SETDB2: variants seen among roughly 807,000 people sequenced by gnomAD.
SETDB2 encodes the protein SET domain bifurcated histone lysine methyltransferase 2.
In SETDB2, 56 loss-of-function variants were observed where a neutral mutation model predicts 82.5. That is an observed-to-expected ratio of 0.68 (90% CI 0.55 to 0.85). The LOEUF (loss-of-function observed/expected upper bound fraction) is 0.85, where lower values mean the gene tolerates loss of function less well. Among genes scored for constraint, SETDB2 ranks in the 40% least tolerant of loss-of-function variants. The pLI is 0.00. For missense variants in SETDB2, 677 were observed against 816.4 expected (o/e 0.83, Z 2.08); for synonymous variants, 272 against 284.9 (o/e 0.95, Z 0.46).
rs1432701282 is a variant in SETDB2, at chr13:49,451,634, C to CA, written c.-257dup. On this transcript the variant is annotated 5_prime_UTR_variant, in exon 2 of 14. Transcript: ENST00000611815. ...TAATGTTAATGATCTGATACCACTA[C>CA]AAATATTTACGTGAGAAGATTCATG... 2 of 318,848 alleles carry CA rather than the reference C, an allele frequency of 6.3e-6. No individual in the cohort carries two copies. Among genetic ancestry groups the CA allele is most frequent in the Non-Finnish European group, 1.2e-5 (2 of 173,820 alleles). The allele number at this position is 318,848 out of a possible 1,614,324, so 19.8% of individuals were successfully genotyped here.
At chr13:49,480,875 C>T in intron 7 of SETDB2, 72 bp from the exon 8 acceptor site, 2 of 1,500,718 alleles carry the variant, frequency 1.3e-6, no homozygotes, top group Non-Finnish European at 1.8e-6. Flanking sequence ...CAGTAGTTAT[C>T]AGTGTCAGTG....
chr13:49,480,369 T>C (rs745473369), intron 7 of SETDB2, 34 bp downstream of exon 7: 14 of 1,347,488 alleles, frequency 1.0e-5, no homozygotes, highest in Non-Finnish European at 1.4e-5. Flanking sequence ...GCAGGGTGTG[T>C]ATATCTTTGA....
At chr13:49,476,453 T>C (rs1446681613) in intron 5 of SETDB2, 23 bp from the exon 6 acceptor site, 1 of 1,427,060 alleles carries the variant, frequency 7.0e-7, no homozygotes. Context: ...TTTGAGATAC[T>C]AATGAATAAT....
At chr13:49,461,484 G>A (rs748703044) in intron 4 of SETDB2, among the ~76,000 whole-genome samples, 1 of 152,166 alleles carries the variant, frequency 6.6e-6, no homozygotes, top group Non-Finnish European at 1.5e-5. Context: ...TTTCTGTGAA[G>A]AACAATACTT....
intron 5 of SETDB2, among the ~76,000 whole-genome samples, chr13:49,474,409 G>C (rs1403283507): frequency 6.6e-6 from 1 of 152,160 alleles, no homozygotes; most frequent in Non-Finnish European, 1.5e-5. Context: ...TGACACTATG[G>C]AGAACAATTT....
At chr13:49,449,365 C>G (rs916025515) in intron 1 of SETDB2, among the ~76,000 whole-genome samples, 14 of 152,108 alleles carry the variant, frequency 9.2e-5, no homozygotes, top group African/African-American at 3.1e-4. Context: ...ATTTTCCTCC[C>G]TCAGCCTCCC....
At position 49,482,783 on chromosome 13, in the gene SETDB2, T is replaced by A; in HGVS notation, c.1203T>A (p.Asp401Glu). ...RANTEKSYGIDENGRDENTMK... is the reference protein window; with the variant it reads ...RANTEKSYGIEENGRDENTMK... The stretch of plus-strand genomic sequence containing the variant: ...ACACTGAAAAATCTTATGGTATTGA[T>A]GAAAACGGGAGAGATGAGAATACTA... Residue 401 changes from aspartate to glutamate, a missense_variant, in exon 9 of 14, where the codon GAT becomes GAA. Around this residue, in one of 3 missense-constraint regions of SETDB2, gnomAD observed 420 missense variants for 554.6 expected, o/e 0.76. Transcript: ENST00000611815. 1 of 1,612,776 alleles carries A rather than the reference T, an allele frequency of 6.2e-7. No individual in the cohort carries two copies. The highest frequency in any genetic ancestry group is 8.5e-7 in the Non-Finnish European group (1 of 1,179,126).
At chr13:49,480,400 G>A in intron 7 of SETDB2, 65 bp downstream of exon 7, 2 of 941,122 alleles carry the variant, frequency 2.1e-6, no homozygotes, top group South Asian at 1.9e-5. Context: ...TTTTTATTGT[G>A]GTCCAAAATC....
At chr13:49,474,277 ATT>A (rs918360669) in intron 5 of SETDB2, among the ~76,000 whole-genome samples, 22 of 151,558 alleles carry the variant, frequency 1.5e-4, no homozygotes, top group African/African-American at 5.1e-4. Context: ...AAAAAAAAAG[ATT>A]TCTAAATAAA....
intron 4 of SETDB2, among the ~76,000 whole-genome samples, chr13:49,462,737 G>A (rs1318276919): frequency 1.3e-5 from 2 of 152,156 alleles, no homozygotes; most frequent in African/African-American, 4.8e-5. Context: ...GGAGCCTTAA[G>A]GCTTTTAAAT....
chr13:49,474,564 T>C (rs1958317922), intron 5 of SETDB2, among the ~76,000 whole-genome samples: 1 of 152,250 alleles, frequency 6.6e-6, no homozygotes, highest in Non-Finnish European at 1.5e-5. Flanking sequence ...GCAAAGATTA[T>C]TACAATAAAA....
chr13:49,464,857 T>A (rs1026224245), intron 4 of SETDB2, among the ~76,000 whole-genome samples: 4 of 151,274 alleles, frequency 2.6e-5, no homozygotes, highest in Non-Finnish European at 5.9e-5. Context: ...AGCCCAGGAG[T>A]TTGAGACCAA....
At chr13:49,450,053 C>T (rs1200546127) in intron 1 of SETDB2, among the ~76,000 whole-genome samples, 1 of 152,172 alleles carries the variant, frequency 6.6e-6, no homozygotes, top group African/African-American at 2.4e-5. Context: ...TGAGAAATCT[C>T]ATTACTAGTC....
chr13:49,454,721 T>C (rs2138832708), intron 2 of SETDB2, among the ~76,000 whole-genome samples: 1 of 152,338 alleles, frequency 6.6e-6, no homozygotes, highest in Non-Finnish European at 1.5e-5. Flanking sequence ...TTCTGTGGGT[T>C]TTTACAACTG....
intron 2 of SETDB2, among the ~76,000 whole-genome samples, chr13:49,454,248 A>T (rs138021736): frequency 0.026 from 3,952 of 152,194 alleles, 77 homozygotes; most frequent in Non-Finnish European, 0.041. Flanking sequence ...ACTTAAAAAA[A>T]AATAATAATA....
chr13:49,486,429 G>A (rs1421429610), intron 11 of SETDB2, among the ~76,000 whole-genome samples: 2 of 152,200 alleles, frequency 1.3e-5, no homozygotes, highest in East Asian at 3.8e-4. Flanking sequence ...AGCAAAGCCT[G>A]AAATATTTGC....
chr13:49,484,774 G>T (rs989260772), intron 10 of SETDB2, among the ~76,000 whole-genome samples: 3 of 152,154 alleles, frequency 2.0e-5, no homozygotes, highest in African/African-American at 7.2e-5. Context: ...TGTTGATGAA[G>T]AGTAAAAACT....
chr13:49,446,369 A>ATTC (rs2138793002), intron 1 of SETDB2: 1 of 456,094 alleles, frequency 2.2e-6, no homozygotes, highest in African/African-American at 2.0e-5. Flanking sequence ...TATGATAAAA[A>ATTC]TTCTCCGTTC....
intron 10 of SETDB2, 34 bp from the exon 11 acceptor site, chr13:49,485,596 T>C: frequency 3.8e-6 from 6 of 1,565,734 alleles, no homozygotes; most frequent in Non-Finnish European, 4.4e-6. Context: ...TTGCCTGACC[T>C]GGAAAGTAAA....
Sources: allele counts gnomAD v4.1 joint callset (sites outside exome capture counted in the v4.1 genomes callset), GRCh38; gene constraint gnomAD v4.1.1; regional missense constraint gnomAD v4.1.1; transcripts MANE v1.5; gene names NCBI Gene and HGNC (gene_info 2026-07-23, HGNC 2026-07-21).